SRGAP1: variants seen among roughly 807,000 people sequenced by gnomAD.
SRGAP1 encodes the protein SLIT-ROBO Rho GTPase-activating protein 1.
SRGAP1 carries 43 observed loss-of-function variants against 121.9 expected under a neutral mutation model. That is an observed-to-expected ratio of 0.35 (90% confidence interval 0.28 to 0.46). The LOEUF (loss-of-function observed/expected upper bound fraction) is 0.46, where lower values mean the gene tolerates loss of function less well. SRGAP1 is among the 20% of genes least tolerant of loss of function. The probability of loss-of-function intolerance (pLI) is 1.00; values close to 1 mark genes in which losing one functional copy is unlikely to be tolerated. For synonymous variants in SRGAP1, 447 were observed against 485.4 expected (o/e 0.92, Z 1.04); for missense variants, 1,102 against 1,350.9 (o/e 0.82, Z 2.89).
At chr12:63,978,102 G>A (rs990280650) in intron 1 of SRGAP1, among the ~76,000 whole-genome samples, 1 of 152,162 alleles carries the variant, frequency 6.6e-6, no homozygotes, top group African/African-American at 2.4e-5. Context: ...AAAGTACTGG[G>A]TGTGGAAATA....
intron 3 of SRGAP1, among the ~76,000 whole-genome samples, chr12:63,999,168 C>T (rs548755811): frequency 1.1e-3 from 161 of 152,096 alleles, no homozygotes; most frequent in African/African-American, 3.5e-3. Context: ...AACCACATGC[C>T]GTGAGAGATT....
chr12:63,928,795 A>G (rs2031357240), intron 1 of SRGAP1, among the ~76,000 whole-genome samples: 1 of 152,222 alleles, frequency 6.6e-6, no homozygotes, highest in Non-Finnish European at 1.5e-5. Context: ...TCTGGGGGTG[A>G]CAGGAGATGA....
At chr12:64,097,450 C>T (rs1593124339) in intron 15 of SRGAP1, 75 bp downstream of exon 15, 3 of 1,490,606 alleles carry the variant, frequency 2.0e-6, no homozygotes, top group East Asian at 2.3e-5. Context: ...GGCAGTGGCC[C>T]CCCTCCATAC....
chr12:63,975,348 C>T (rs1005793379), intron 1 of SRGAP1, among the ~76,000 whole-genome samples: 2 of 152,188 alleles, frequency 1.3e-5, no homozygotes, highest in African/African-American at 4.8e-5. Flanking sequence ...CCTATAGGAA[C>T]TCCACATTGC....
chr12:64,078,715 A>G (rs2035783300), intron 8 of SRGAP1, among the ~76,000 whole-genome samples: 1 of 152,200 alleles, frequency 6.6e-6, no homozygotes, highest in Non-Finnish European at 1.5e-5. Flanking sequence ...ATAAAGTGAT[A>G]ACCTCCTTAG....
intron 1 of SRGAP1, among the ~76,000 whole-genome samples, chr12:63,954,601 C>T (rs2032400151): frequency 6.7e-6 from 1 of 148,880 alleles, no homozygotes; most frequent in South Asian, 2.1e-4. Context: ...TGGCGTGAAC[C>T]CGGGAGGCGG....
intron 1 of SRGAP1, among the ~76,000 whole-genome samples, chr12:63,851,591 C>CTTTT (rs568426197): frequency 5.7e-5 from 8 of 139,882 alleles, no homozygotes; most frequent in South Asian, 2.3e-4. Flanking sequence ...TTCTTTCTTT[C>CTTTT]TTTTTTTTTT....
At chr12:64,123,384 G>A (rs1199851287) in intron 18 of SRGAP1, among the ~76,000 whole-genome samples, 1 of 151,930 alleles carries the variant, frequency 6.6e-6, no homozygotes, top group East Asian at 1.9e-4. Flanking sequence ...TCTTCCATGG[G>A]GTGTTTATTT....
intron 1 of SRGAP1, among the ~76,000 whole-genome samples, chr12:63,905,164 G>C (rs924385452): frequency 2.0e-5 from 3 of 152,112 alleles, no homozygotes; most frequent in Admixed American, 2.0e-4. Flanking sequence ...CATGGTTCTG[G>C]GTTTTATCTT....
chr12:64,117,613 CTTATT>C (rs994669730), intron 18 of SRGAP1, among the ~76,000 whole-genome samples: 2 of 152,062 alleles, frequency 1.3e-5, no homozygotes, highest in South Asian at 2.1e-4. Flanking sequence ...CCTATATTCT[CTTATT>C]TTATTTTATT....
At chr12:63,854,933 TTCTC>T (rs1315783474) in intron 1 of SRGAP1, among the ~76,000 whole-genome samples, 2 of 152,194 alleles carry the variant, frequency 1.3e-5, no homozygotes, top group Non-Finnish European at 2.9e-5. Context: ...TGTCAAACCT[TTCTC>T]TTATTAGCAG....
intron 6 of SRGAP1, among the ~76,000 whole-genome samples, chr12:64,045,140 C>T (rs1168731590): frequency 1.3e-5 from 2 of 151,896 alleles, no homozygotes; most frequent in Non-Finnish European, 2.9e-5. Flanking sequence ...TTCAAGTAAT[C>T]ACTTGATTAT....
intron 10 of SRGAP1, 52 bp downstream of exon 10, chr12:64,080,422 T>C: frequency 7.6e-7 from 1 of 1,324,204 alleles, no homozygotes; most frequent in Non-Finnish European, 1.1e-6. Context: ...CATCGTATCA[T>C]GTATATATTC....
chr12:63,866,333 G>T (rs1357501040), intron 1 of SRGAP1, among the ~76,000 whole-genome samples: 1 of 152,142 alleles, frequency 6.6e-6, no homozygotes, highest in Non-Finnish European at 1.5e-5. Context: ...AGCAGTCCCT[G>T]GGCCAAATGT....
intron 21 of SRGAP1, among the ~76,000 whole-genome samples, chr12:64,132,442 A>ATG (rs1284574469): frequency 1.3e-5 from 2 of 152,226 alleles, no homozygotes; most frequent in Non-Finnish European, 2.9e-5. Flanking sequence ...CACTCGATAA[A>ATG]TGGGCCAGAG....
Position 64,147,585 on chromosome 12 carries a change from T to C in SRGAP1, c.*4913T>C. 1 of 398,864 alleles carries C rather than the reference T, an allele frequency of 2.5e-6. No homozygotes were observed. Among genetic ancestry groups the C allele is most frequent in the Non-Finnish European group, 4.4e-6 (1 of 226,182 alleles). 24.7% of individuals were successfully genotyped at this position (398,864 alleles called of 1,614,324 possible). A position where few individuals can be genotyped will look rare whatever the true frequency, so the allele number is the denominator to read the frequency against. On this transcript the variant is annotated 3_prime_UTR_variant, in exon 22 of 22. Coordinates refer to ENST00000355086, the MANE Select transcript of SRGAP1 (RefSeq NM_020762.4). ...CCGCATCAGTCCCCCGCTCATGTGCTGCTGACAGCATCGCATTCGCCCGTG... is the reference window on the plus strand; with the variant it reads ...CCGCATCAGTCCCCCGCTCATGTGCCGCTGACAGCATCGCATTCGCCCGTG...
chr12:64,012,075 A>C (rs2034269037), intron 3 of SRGAP1, among the ~76,000 whole-genome samples: 1 of 151,760 alleles, frequency 6.6e-6, no homozygotes, highest in African/African-American at 2.4e-5. Context: ...CAAACAAAAA[A>C]AATTATAATG....
intron 1 of SRGAP1, among the ~76,000 whole-genome samples, chr12:63,907,145 A>T (rs181767773): frequency 6.6e-6 from 1 of 152,142 alleles, no homozygotes; most frequent in African/African-American, 2.4e-5. Context: ...TTTGATTTGC[A>T]CTTCCCTGAT....
intron 6 of SRGAP1, among the ~76,000 whole-genome samples, chr12:64,051,682 A>G (rs1253259556): frequency 6.6e-6 from 1 of 152,132 alleles, no homozygotes; most frequent in Non-Finnish European, 1.5e-5. Flanking sequence ...TGGTTTTAAA[A>G]ATATTTAATA....
Sources: gnomAD v4.1 joint callset for allele counts (sites outside exome capture counted in the v4.1 genomes callset) on GRCh38, gnomAD v4.1.1 for gene constraint, MANE v1.5 for transcripts, NCBI Gene and HGNC (gene_info 2026-07-23, HGNC 2026-07-21) for gene names.